Variants in DNAH8 observed in about 807,000 individuals in gnomAD.
The protein encoded by DNAH8 is axonemal beta dynein heavy chain 8.
A neutral mutation model predicts 562.1 loss-of-function variants in DNAH8; 382 were observed. That is an observed-to-expected ratio of 0.68 (90% CI 0.63 to 0.74). DNAH8 has a LOEUF of 0.74. Ranked by LOEUF, DNAH8 falls within the 30% of genes least tolerant of loss-of-function variation. The pLI, the probability that DNAH8 is intolerant of heterozygous loss-of-function variation, is 0.00. For missense variants in DNAH8, 5,203 were observed against 5,620.4 expected (o/e 0.93, Z 2.37); for synonymous variants, 1,881 against 1,919.4 (o/e 0.98, Z 0.52).
intron 88 of DNAH8, among the ~76,000 whole-genome samples, chr6:39,008,006 A>G (rs1019443866): frequency 1.4e-4 from 20 of 138,836 alleles, no homozygotes; most frequent in African/African-American, 5.1e-4. Context: ...CCAGCATCTC[A>G]GGGACAGAGA....
chr6:38,796,242 G>A (rs890233133), intron 21 of DNAH8, among the ~76,000 whole-genome samples: 5 of 152,148 alleles, frequency 3.3e-5, no homozygotes, highest in African/African-American at 4.8e-5. Context: ...TGCCTTTCAC[G>A]GTACCAGCAT....
intron 85 of DNAH8, among the ~76,000 whole-genome samples, chr6:38,981,068 TG>T (rs1158578337): frequency 7.1e-6 from 1 of 140,842 alleles, no homozygotes; most frequent in Non-Finnish European, 1.6e-5. Flanking sequence ...TGTGTTGAGT[TG>T]GGGAAGGCAG....
Position 38,894,720 on chromosome 6 carries a change from C to G in DNAH8, c.8603C>G (p.Pro2868Arg). ...CTCTAGGTGAAGATGCTGCCAACTC[C>G]TTCTAAATTTCATTACATCTTCAAT... ...QWTKVKMLPT[P>R]SKFHYIFNLR... The change falls in exon 59 of 93, where the codon CCT (proline) becomes CGT (arginine). Residue 2868 changes from proline to arginine, a missense_variant. Around this residue, in one of 6 missense-constraint regions of DNAH8, gnomAD observed 977 missense variants for 1,061.8 expected, o/e 0.92. Coordinates refer to ENST00000327475, the MANE Select transcript of DNAH8 (RefSeq NM_001206927.2). 6.2e-7 allele frequency: 1 copy of G among 1,613,880 alleles called. No individual in the cohort carries two copies. The highest frequency in any genetic ancestry group is 1.1e-5 in the South Asian group (1 of 91,048).
chr6:38,910,110 AC>A (rs1199916153), intron 65 of DNAH8, among the ~76,000 whole-genome samples: 2 of 152,230 alleles, frequency 1.3e-5, no homozygotes, highest in African/African-American at 2.4e-5. Flanking sequence ...ATTAAAGTAC[AC>A]TGCTTCTAAT....
At chr6:38,914,492 C>T (rs879630142) in intron 67 of DNAH8, among the ~76,000 whole-genome samples, 1 of 144,804 alleles carries the variant, frequency 6.9e-6, no homozygotes, top group Non-Finnish European at 1.5e-5. Flanking sequence ...CCTCCACCTC[C>T]TGGGTTCAAG....
intron 10 of DNAH8, among the ~76,000 whole-genome samples, chr6:38,757,852 G>C (rs1379353624): frequency 1.3e-5 from 2 of 152,144 alleles, no homozygotes; most frequent in East Asian, 3.8e-4. Flanking sequence ...CATTATTTCT[G>C]AGGGCTCTGT....
chr6:38,808,255 G>C (rs1260021520), intron 24 of DNAH8, among the ~76,000 whole-genome samples: 2 of 152,170 alleles, frequency 1.3e-5, no homozygotes, highest in Non-Finnish European at 2.9e-5. Context: ...CCTGCTAGGA[G>C]TGGGTTTGGT....
intron 1 of DNAH8, among the ~76,000 whole-genome samples, chr6:38,719,378 C>T (rs930963988): frequency 6.6e-6 from 1 of 152,036 alleles, no homozygotes; most frequent in East Asian, 1.9e-4. Flanking sequence ...AACCCTAACC[C>T]CCATCCTTCC....
chr6:38,848,853 A>G (rs375907330), intron 37 of DNAH8, 52 bp downstream of exon 37: 88 of 1,562,202 alleles, frequency 5.6e-5, no homozygotes, highest in Middle Eastern at 3.4e-4. Flanking sequence ...TATGTTGTCT[A>G]TATGTCTCTG....
intron 80 of DNAH8, among the ~76,000 whole-genome samples, chr6:38,946,057 T>C (rs1458841618): frequency 2.0e-5 from 3 of 151,894 alleles, no homozygotes; most frequent in Non-Finnish European, 4.4e-5. Flanking sequence ...TGTTTTTTTC[T>C]TATTTGAAAA....
At chr6:38,939,997 A>T (rs1382038611) in intron 79 of DNAH8, among the ~76,000 whole-genome samples, 1 of 152,214 alleles carries the variant, frequency 6.6e-6, no homozygotes, top group African/African-American at 2.4e-5. Context: ...ACTGAGAAAT[A>T]GAGCTGGACA....
chr6:38,873,973 A>G (rs1777695758), intron 52 of DNAH8, among the ~76,000 whole-genome samples: 1 of 151,966 alleles, frequency 6.6e-6, no homozygotes, highest in Admixed American at 6.5e-5. Context: ...TTATCTGACA[A>G]GTAGTTGTAG....
chr6:38,949,641 G>A, intron 81 of DNAH8, 71 bp downstream of exon 81: 1 of 940,176 alleles, frequency 1.1e-6, no homozygotes, highest in African/African-American at 1.6e-5. Flanking sequence ...TTATCTCAGT[G>A]AGTTTACTTC....
intron 61 of DNAH8, among the ~76,000 whole-genome samples, chr6:38,899,327 G>C (rs1779909798): frequency 1.3e-5 from 2 of 152,204 alleles, no homozygotes; most frequent in South Asian, 4.1e-4. Flanking sequence ...TGTTGGCAGA[G>C]ATATGATAGA....
At chr6:38,863,331 G>A (rs1018812074) in intron 44 of DNAH8, among the ~76,000 whole-genome samples, 1 of 93,280 alleles carries the variant, frequency 1.1e-5, no homozygotes, top group African/African-American at 3.5e-5. Flanking sequence ...TCAGGAGGCT[G>A]AGCTAGAATT....
rs1182786314 is a variant in DNAH8 at position 38,925,258 on chromosome 6, G to A, written c.10963-797G>A. ...GGTCCTGGGATAATTTAACAAAGGTGGAGGCTGGTTGGCTCATTGGATCTC... is the reference window on the plus strand; with the variant it reads ...GGTCCTGGGATAATTTAACAAAGGTAGAGGCTGGTTGGCTCATTGGATCTC... On this transcript the variant is annotated intron_variant, in intron 73 of 92. Transcript: ENST00000327475. 4.0e-5 allele frequency among the ~76,000 whole-genome samples: 6 copies of A among 151,206 alleles called. No individual in the cohort carries two copies. The South Asian group carries it at 1.0e-3, about 26-fold the overall frequency.
At position 38,862,364 on chromosome 6, in the gene DNAH8, C is replaced by T; in HGVS notation, c.6216C>T (p.Thr2072=). The change falls in exon 44 of 93, where the codon ACC becomes ACT. Residue 2072 remains threonine (T), a synonymous_variant. Transcript: ENST00000327475. ...CTGCTGGCACTGGCAAAACAGAAAC[C>T]ACAAAAGACATGGGAAGGTGTTTGG... ...AGPAGTGKTE[T]TKDMGRCLGK... is the part of the protein sequence containing the mutation. 1 of 1,614,114 alleles carries T rather than the reference C, an allele frequency of 6.2e-7. No individual in the cohort carries two copies. Among genetic ancestry groups the T allele is most frequent in the Non-Finnish European group, 8.5e-7 (1 of 1,179,988 alleles).
chr6:38,795,783 A>G (rs2127664320), intron 21 of DNAH8, among the ~76,000 whole-genome samples: 1 of 152,042 alleles, frequency 6.6e-6, no homozygotes, highest in East Asian at 1.9e-4. Context: ...GTTGGATCAC[A>G]CTCCTGACTG....
Position 38,990,172 on chromosome 6 carries a change from C to T in DNAH8, c.13214C>T (p.Thr4405Met), listed in dbSNP as rs115630842. 571 of 1,592,030 alleles carry T rather than the reference C, an allele frequency of 3.6e-4. No individual in the cohort carries two copies. The African/African-American group carries it at 4.2e-3, about 12-fold the overall frequency. The change falls in exon 88 of 93, where the codon ACG (threonine) becomes ATG (methionine). Residue 4405 changes from threonine (T) to methionine (M), a missense_variant and splice_region_variant. Coordinates refer to ENST00000327475, the MANE Select transcript of DNAH8 (RefSeq NM_001206927.2). The stretch of plus-strand genomic sequence containing the variant: ...GGGCTTCACCCTAATGCTGATATCA[C>T]GTAAGTCCCTGGCATTTTTTAATTT... ...VFGLHPNADITYQSNTASAVL... is the reference protein window; with the variant it reads ...VFGLHPNADIMYQSNTASAVL...
Sources: allele counts gnomAD v4.1 joint callset (sites outside exome capture counted in the v4.1 genomes callset), GRCh38; gene constraint gnomAD v4.1.1; regional missense constraint gnomAD v4.1.1; transcripts MANE v1.5; gene names NCBI Gene and HGNC (gene_info 2026-07-23, HGNC 2026-07-21).